RP1: variants seen among roughly 807,000 people sequenced by gnomAD.
RP1 encodes oxygen-regulated protein 1.
In RP1, 16 loss-of-function variants were observed where a neutral mutation model predicts 14.8. That is an observed-to-expected ratio of 1.08 (90% CI 0.73 to 1.65). The LOEUF is 1.65. Ranked by LOEUF, RP1 falls within the 40% of genes most tolerant of loss-of-function variation. RP1 has a pLI of 0.00. For missense variants in RP1, 2,631 were observed against 2,535.0 expected, an observed-to-expected ratio of 1.04 and a Z score of -0.81; for synonymous variants, 876 against 883.6, an observed-to-expected ratio of 0.99 and a Z score of 0.15.
At chr8:54,693,449 A>G (rs535781788) in intron 12 of RP1, among the ~76,000 whole-genome samples, 2 of 152,298 alleles carry the variant, frequency 1.3e-5, no homozygotes, top group Non-Finnish European at 2.9e-5. Flanking sequence ...CCTACCCATG[A>G]GTATGGAATG....
chr8:54,848,154 T>C (rs1456949405), intron 25 of RP1, among the ~76,000 whole-genome samples: 2 of 152,178 alleles, frequency 1.3e-5, no homozygotes, highest in South Asian at 2.1e-4. Flanking sequence ...GGCTCAGATA[T>C]CTGGTGCAGG....
At chr8:54,776,234 C>T (rs1470162916) in intron 23 of RP1, among the ~76,000 whole-genome samples, 4 of 152,180 alleles carry the variant, frequency 2.6e-5, no homozygotes, top group African/African-American at 9.7e-5. Context: ...CAGGGTCTTG[C>T]TCTGTCACCC....
In RP1 at chr8:54,805,339, T is replaced by A. The variant is rs185279555; in HGVS notation, c.3615+21629T>A. ...CTATCTTTCAGATGAAATGTGTATA[T>A]TATGGCAGAATTATTAACATTCTTC... On this transcript the variant is annotated intron_variant, in intron 24 of 28. Coordinates refer to the RP1 transcript ENST00000637698. 5.4e-4 allele frequency among the ~76,000 whole-genome samples: 82 copies of A among 152,334 alleles called. 2 individuals are homozygous for A. Among genetic ancestry groups the A allele is most frequent in the Non-Finnish European group, 7.1e-4 (48 of 68,030 alleles).
intron 24 of RP1, among the ~76,000 whole-genome samples, chr8:54,793,391 G>A (rs911714251): frequency 6.6e-6 from 1 of 151,802 alleles, no homozygotes; most frequent in African/African-American, 2.4e-5. Flanking sequence ...AAAATTACAG[G>A]ACAATATTCC....
intron 23 of RP1, among the ~76,000 whole-genome samples, chr8:54,776,187 G>A (rs191499768): frequency 3.5e-4 from 54 of 152,264 alleles, no homozygotes; most frequent in African/African-American, 1.3e-3. Flanking sequence ...GTGCCATTTT[G>A]TTGTTGTTTT....
chr8:54,574,237 CATG>C (rs1323085070), intron 1 of RP1, among the ~76,000 whole-genome samples: 1 of 152,152 alleles, frequency 6.6e-6, no homozygotes, highest in Non-Finnish European at 1.5e-5. Flanking sequence ...GTGTACATAT[CATG>C]ATAACAGGGA....
intron 23 of RP1, among the ~76,000 whole-genome samples, chr8:54,778,528 T>C (rs1810100667): frequency 6.6e-6 from 1 of 152,008 alleles, no homozygotes; most frequent in African/African-American, 2.4e-5. Flanking sequence ...TTTCACCATA[T>C]TGGCCAGGCT....
rs556356018 is a variant in RP1 at position 54,786,240 on chromosome 8, C to T, written c.3615+2530C>T. Among the ~76,000 whole-genome samples the T allele has an allele frequency of 5.3e-5, 8 of 152,124 alleles. No individual in the cohort carries two copies. In the South Asian group the frequency reaches 1.7e-3, roughly 32 times the overall value. ...CTAGGAAAGTCTTAATTTGCATATG[C>T]AAGTCTTGGTTGACAGTTTTTTTCT... On this transcript the variant is annotated intron_variant, in intron 24 of 28. Transcript: ENST00000637698.
rs1246209661 is a variant in RP1 at position 54,630,439 on chromosome 8, C to T, written c.*86C>T. ...GTGACGAATACGGACTAGATAACCT[C>T]TAAGAATTTTCCACTTCTTCAAAAT... On this transcript the variant is annotated 3_prime_UTR_variant, in exon 4 of 4. Coordinates refer to ENST00000220676, the MANE Select transcript of RP1 (RefSeq NM_006269.2). 1.9e-6 allele frequency: 3 copies of T among 1,559,624 alleles called. No homozygotes were observed. The highest frequency in any genetic ancestry group is 2.6e-6 in the Non-Finnish European group (3 of 1,153,560).
intron 12 of RP1, among the ~76,000 whole-genome samples, chr8:54,687,696 T>G (rs1485086034): frequency 6.6e-6 from 1 of 152,156 alleles, no homozygotes; most frequent in Non-Finnish European, 1.5e-5. Context: ...ACATTTTCTT[T>G]ATCAAGTCTA....
chr8:54,781,564 C>T (rs755337554), intron 23 of RP1, among the ~76,000 whole-genome samples: 17 of 151,926 alleles, frequency 1.1e-4, no homozygotes, highest in Non-Finnish European at 2.4e-4. Flanking sequence ...TATTTTTAGC[C>T]CTGTTATAAA....
At chr8:54,572,309 C>T (rs966086284) in intron 1 of RP1, among the ~76,000 whole-genome samples, 2 of 152,230 alleles carry the variant, frequency 1.3e-5, no homozygotes, top group Non-Finnish European at 2.9e-5. Flanking sequence ...ATAAGAACCC[C>T]AATCACAGGA....
At chr8:54,742,399 A>C (rs1331786492) in intron 19 of RP1, among the ~76,000 whole-genome samples, 1 of 152,180 alleles carries the variant, frequency 6.6e-6, no homozygotes, top group Non-Finnish European at 1.5e-5. Context: ...TGTATAATAA[A>C]AGTAATTGAG....
chr8:54,813,089 T>C (rs981470751), intron 24 of RP1, among the ~76,000 whole-genome samples: 2 of 152,238 alleles, frequency 1.3e-5, no homozygotes, highest in Admixed American at 1.3e-4. Flanking sequence ...CAGTCCAACT[T>C]TTATACTTTG....
intron 18 of RP1, among the ~76,000 whole-genome samples, chr8:54,734,992 G>A (rs1402004406): frequency 6.6e-6 from 1 of 152,094 alleles, no homozygotes; most frequent in Non-Finnish European, 1.5e-5. Context: ...TAGGCCATGG[G>A]TTTGAAACTG....
chr8:54,657,017 T>C (rs1418771205), intron 6 of RP1, among the ~76,000 whole-genome samples: 2 of 152,136 alleles, frequency 1.3e-5, no homozygotes, highest in African/African-American at 2.4e-5. Context: ...TTTGCACAGA[T>C]TGATGATTCC....
At position 54,648,995 on chromosome 8, in the gene RP1, G is replaced by A; in HGVS notation, c.798G>A (p.Trp266Ter). The A allele has an allele frequency of 2.0e-6, 3 of 1,506,348 alleles. No homozygotes were observed. Among genetic ancestry groups the A allele is most frequent in the Non-Finnish European group, 2.6e-6 (3 of 1,138,054 alleles). The allele number at this position is 1,506,348 out of a possible 1,614,324, so 93.3% of individuals were successfully genotyped here. A position where few individuals can be genotyped will look rare whatever the true frequency, so the allele number is the denominator to read the frequency against. Residue 266 changes from tryptophan (W) to a stop codon, truncating the protein, a stop_gained, in exon 4 of 23, where the codon TGG becomes TGA. Transcript: ENST00000636932. LOFTEE classifies it high-confidence loss of function. ...TTTTTTCTTTTATAGGTAGTAACTG[G>A]AAAGTTTTTATAATCACCAGTGACT...
At chr8:54,603,574 GA>G (rs138968394) in intron 1 of RP1, among the ~76,000 whole-genome samples, 48,627 of 151,860 alleles carry the variant, frequency 0.32, 8,533 homozygotes, top group Middle Eastern at 0.48. Flanking sequence ...ATTCTGTGAA[GA>G]AAGTCATTGG....
At chr8:54,559,648 T>C (rs749361761) in intron 1 of RP1, among the ~76,000 whole-genome samples, 2 of 152,168 alleles carry the variant, frequency 1.3e-5, no homozygotes, top group Non-Finnish European at 2.9e-5. Flanking sequence ...GTGGGCCATG[T>C]ATACGACTTG....
Sources: gnomAD v4.1 joint callset for allele counts (sites outside exome capture counted in the v4.1 genomes callset) on GRCh38, gnomAD v4.1.1 for gene constraint, MANE v1.5 for transcripts, NCBI Gene and HGNC (gene_info 2026-07-23, HGNC 2026-07-21) for gene names.